CSPP1: variants seen among roughly 807,000 people sequenced by gnomAD.
The protein encoded by CSPP1 is centrosome and spindle pole-associated protein 1.
Under a neutral mutation model 164.4 loss-of-function variants are expected in CSPP1, and 126 were observed. That is an observed-to-expected ratio of 0.77 (90% CI 0.66 to 0.89). The LOEUF (loss-of-function observed/expected upper bound fraction) is 0.89. Among genes scored for constraint, CSPP1 ranks in the 40% least tolerant of loss-of-function variants. CSPP1 has a pLI of 0.00. For synonymous variants in CSPP1, 472 were observed against 476.7 expected (o/e 0.99, Z 0.13); for missense variants, 1,395 against 1,449.8 (o/e 0.96, Z 0.61).
At chr8:67,071,386 T>TC (rs1022125748) in intron 1 of CSPP1, among the ~76,000 whole-genome samples, 1 of 151,808 alleles carries the variant, frequency 6.6e-6, no homozygotes, top group Non-Finnish European at 1.5e-5. Flanking sequence ...TTTTTTTTTT[T>TC]CCCCCAGCTT....
At chr8:67,155,632 CA>C (rs1826519398) in intron 19 of CSPP1, among the ~76,000 whole-genome samples, 1 of 151,992 alleles carries the variant, frequency 6.6e-6, no homozygotes, top group South Asian at 2.1e-4. Flanking sequence ...CCCATTTCTA[CA>C]AAAAATTAGC....
Position 67,164,467 on chromosome 8 carries a change from G to A in CSPP1, c.2787G>A (p.Glu929=). The A allele has an allele frequency of 6.2e-7, 1 of 1,600,100 alleles. No homozygotes were observed. The highest frequency in any genetic ancestry group is 1.3e-5 in the African/African-American group (1 of 74,788). The part of the protein sequence containing the change: ...QLRSEERRLQ[E]RLLHMDSDDE... The stretch of plus-strand genomic sequence containing the variant: ...GTAGTGAAGAGAGGCGTCTACAAGA[G>A]CGATTGCTACACATGGACAGTGATG... Residue 929 remains glutamate, a synonymous_variant, in exon 24 of 31, where the codon GAG becomes GAA. Transcript: ENST00000678616.
chr8:67,092,779 T>C (rs1263489676), intron 5 of CSPP1, among the ~76,000 whole-genome samples: 1 of 152,212 alleles, frequency 6.6e-6, no homozygotes, highest in Non-Finnish European at 1.5e-5. Context: ...GATTGTGTTG[T>C]TTTAGCGACA....
At chr8:67,081,027 C>G (rs1022576168) in intron 3 of CSPP1, 4 of 152,238 alleles carry the variant, frequency 2.6e-5, no homozygotes, top group African/African-American at 9.6e-5. Context: ...AGGCCCAACC[C>G]TCAAATCACA....
rs1244682528 is a variant in CSPP1, at chr8:67,064,417, G to A, written c.-132G>A. ...GTCTGTCATGCTGTTCCCGCTCCAG[G>A]TGGCCGCTGTAACCTCTTCGGTCCG... On this transcript the variant is annotated 5_prime_UTR_variant, in exon 1 of 31. It adds an upstream start codon to the 5' untranslated region. Transcript: ENST00000678616. The A allele has an allele frequency of 6.2e-7, 1 of 1,613,868 alleles. No individual in the cohort carries two copies.
chr8:67,067,767 G>A (rs902444116), intron 1 of CSPP1, among the ~76,000 whole-genome samples: 1 of 152,086 alleles, frequency 6.6e-6, no homozygotes, highest in Non-Finnish European at 1.5e-5. Context: ...GCGGCTGCAG[G>A]CTCTGTTTTT....
At chr8:67,083,387 C>T (rs1459080112) in intron 3 of CSPP1, among the ~76,000 whole-genome samples, 1 of 151,238 alleles carries the variant, frequency 6.6e-6, no homozygotes, top group Non-Finnish European at 1.5e-5. Context: ...CAAAAATTAG[C>T]CAGGTGTGGT....
chr8:67,109,775 T>A (rs1410163187), intron 9 of CSPP1, among the ~76,000 whole-genome samples: 1 of 151,830 alleles, frequency 6.6e-6, no homozygotes, highest in Non-Finnish European at 1.5e-5. Flanking sequence ...GGAGTGAAAG[T>A]TTAATAAGTG....
intron 2 of CSPP1, among the ~76,000 whole-genome samples, chr8:67,076,155 C>A (rs1186168729): frequency 6.6e-6 from 1 of 151,662 alleles, no homozygotes; most frequent in Non-Finnish European, 1.5e-5. Flanking sequence ...GTGTTGAGTT[C>A]ATTATGTGTC....
Position 67,141,139 on chromosome 8 carries a change from T to C in CSPP1, c.1975+3536T>C, listed in dbSNP as rs115506839. ...TGGGATAGAGCAGTTTTCTAAAATC[T>C]TACCTCTAAGATTATTTCTAGTTCA... On this transcript the variant is annotated intron_variant, in intron 17 of 30. Transcript: ENST00000678616. Among the ~76,000 whole-genome samples the C allele has an allele frequency of 8.6e-3, 1,303 of 152,328 alleles. 16 individuals carry two copies. The highest frequency in any genetic ancestry group is 0.03 in the African/African-American group (1,227 of 41,572).
At chr8:67,193,397 C>CTGAT (rs1240148780) in intron 29 of CSPP1, 67 bp from the exon 30 acceptor site, 1 of 1,442,356 alleles carries the variant, frequency 6.9e-7, no homozygotes, top group Non-Finnish European at 9.6e-7. Context: ...ATGCCTGGCC[C>CTGAT]TGATTCACTG....
chr8:67,143,286 T>G (rs902365587), intron 17 of CSPP1, among the ~76,000 whole-genome samples: 1 of 152,100 alleles, frequency 6.6e-6, no homozygotes, highest in African/African-American at 2.4e-5. Context: ...GTTTTGAAAT[T>G]GAAAAGTTTG....
Position 67,067,849 on chromosome 8 carries a change from ATTTCT to A in CSPP1, c.-11+3315_-11+3319del, listed in dbSNP as rs1317169816. Among the ~76,000 whole-genome samples the A allele has an allele frequency of 1.1e-3, 162 of 148,696 alleles. 1 individual carries two copies. The highest frequency in any genetic ancestry group is 6.0e-4 in the East Asian group (3 of 5,012). On this transcript the variant is annotated intron_variant, in intron 1 of 30. Coordinates refer to ENST00000678616, the MANE Select transcript of CSPP1 (RefSeq NM_001382391.1). ...AAACAATAAAAGAATTGATCTGTTG[ATTTCT>A]TTTTTTTTTTTTTTTGACAGAGTAT... is the stretch of plus-strand genomic sequence containing the variant.
At chr8:67,076,347 T>C in intron 2 of CSPP1, 135 bp from the exon 3 acceptor site, 1 of 404,186 alleles carries the variant, frequency 2.5e-6, no homozygotes, top group Non-Finnish European at 4.3e-6. Context: ...GGCTAATTCC[T>C]CAAACCTTAC....
chr8:67,194,438 A>T (rs1213183461), intron 30 of CSPP1, among the ~76,000 whole-genome samples: 1 of 152,240 alleles, frequency 6.6e-6, no homozygotes, highest in Non-Finnish European at 1.5e-5. Flanking sequence ...CCAAACACAA[A>T]GCAGACATGG....
intron 6 of CSPP1, among the ~76,000 whole-genome samples, chr8:67,093,948 T>C (rs1353210952): frequency 6.6e-6 from 1 of 151,578 alleles, no homozygotes; most frequent in Non-Finnish European, 1.5e-5. Context: ...CTATGTTTGT[T>C]TTTTTCAAAA....
chr8:67,168,378 A>C (rs915971022), intron 24 of CSPP1, among the ~76,000 whole-genome samples: 5 of 151,990 alleles, frequency 3.3e-5, no homozygotes, highest in African/African-American at 4.8e-5. Context: ...TTTTGACATT[A>C]ATTTTTCTTT....
chr8:67,145,715 A>T (rs1181390663), intron 17 of CSPP1, among the ~76,000 whole-genome samples: 3 of 151,484 alleles, frequency 2.0e-5, no homozygotes, highest in African/African-American at 7.3e-5. Context: ...TTTAGTAGAG[A>T]CGGGGTTTCA....
At chr8:67,098,508 C>T (rs1813319597) in intron 7 of CSPP1, among the ~76,000 whole-genome samples, 1 of 151,782 alleles carries the variant, frequency 6.6e-6, no homozygotes, top group Non-Finnish European at 1.5e-5. Context: ...AAACTCATAT[C>T]ATGAAATCAC....
Sources: gnomAD v4.1 joint callset for allele counts (sites outside exome capture counted in the v4.1 genomes callset) on GRCh38, gnomAD v4.1.1 for gene constraint, MANE v1.5 for transcripts, NCBI Gene and HGNC (gene_info 2026-07-23, HGNC 2026-07-21) for gene names.